Variants in CFAP77 observed in about 807,000 individuals in gnomAD.
The protein encoded by CFAP77 is cilia- and flagella-associated protein 77.
In CFAP77, 25 loss-of-function variants were observed where a neutral mutation model predicts 31.1. The ratio of observed to expected loss-of-function variants is 0.80; its 90% confidence interval spans 0.59 to 1.12. The LOEUF (loss-of-function observed/expected upper bound fraction) is 1.12, where lower values mean the gene tolerates loss of function less well. Ranked by LOEUF, CFAP77 falls within the 50% of genes most tolerant of loss-of-function variation. The probability of loss-of-function intolerance (pLI) is 0.00; values close to 1 mark genes in which losing one functional copy is unlikely to be tolerated. For missense variants in CFAP77, 377 were observed against 397.3 expected (o/e 0.95, Z 0.44); for synonymous variants, 151 against 159.9 (o/e 0.94, Z 0.42).
intron 1 of CFAP77, among the ~76,000 whole-genome samples, chr9:132,458,260 C>T (rs1326156639): frequency 6.7e-6 from 1 of 149,598 alleles, no homozygotes; most frequent in Non-Finnish European, 1.5e-5. Context: ...GCCTGAGATG[C>T]GCAGAAGTGC....
At chr9:132,430,655 G>A (rs986901255) in intron 1 of CFAP77, among the ~76,000 whole-genome samples, 1 of 152,126 alleles carries the variant, frequency 6.6e-6, no homozygotes, top group African/African-American at 2.4e-5. Context: ...TGACACATCT[G>A]GGACCTCAGT....
intron 1 of CFAP77, among the ~76,000 whole-genome samples, chr9:132,444,974 CTTTT>C (rs564127221): frequency 6.0e-5 from 8 of 133,768 alleles, no homozygotes; most frequent in African/African-American, 1.1e-4. Context: ...TTCTTTCTTT[CTTTT>C]TTTTTTTTTT....
rs76119870 is a variant in CFAP77 at position 132,457,378 on chromosome 9, G to A, written c.196-41317G>A. 7.4e-4 allele frequency among the ~76,000 whole-genome samples: 112 copies of A among 152,314 alleles called. 2 individuals are homozygous for A. In the East Asian group the frequency reaches 0.02, roughly 27 times the overall value. ...TATTTTTCTCTGATAAAAGTGCAGC[G>A]AGGAATAGCTCGACTGTGTCACTGC... On this transcript the variant is annotated intron_variant, in intron 1 of 5. Coordinates refer to ENST00000393216, the MANE Select transcript of CFAP77 (RefSeq NM_001282957.2).
At chr9:132,466,610 T>C (rs1351722409) in intron 1 of CFAP77, among the ~76,000 whole-genome samples, 1 of 152,130 alleles carries the variant, frequency 6.6e-6, no homozygotes, top group Non-Finnish European at 1.5e-5. Flanking sequence ...AAAGACTGGA[T>C]CGGTGTGGGG....
Position 132,564,599 on chromosome 9 carries a change from G to A in CFAP77, c.733-7789G>A, listed in dbSNP as rs534447472. ...GATGAGCTAAAAGAGAATTTAGAGG[G>A]AACACAGTTGCTAATGCTGTGTTAT... On this transcript the variant is annotated intron_variant, in intron 5 of 5. Coordinates refer to ENST00000393216, the MANE Select transcript of CFAP77 (RefSeq NM_001282957.2). This position sits in a 1 kb window ranked among gnomAD's most constrained non-coding sequence, Gnocchi z 4.6. 1.4e-3 allele frequency among the ~76,000 whole-genome samples: 211 copies of A among 151,980 alleles called. No individual in the cohort carries two copies. Among genetic ancestry groups the A allele is most frequent in the Middle Eastern group, 3.4e-3 (1 of 294 alleles).
At chr9:132,520,810 A>G (rs1034385518) in intron 3 of CFAP77, among the ~76,000 whole-genome samples, 2 of 151,968 alleles carry the variant, frequency 1.3e-5, no homozygotes, top group African/African-American at 4.8e-5. Flanking sequence ...GCCCCTCCCC[A>G]GACACTGGCG....
At chr9:132,428,123 G>C (rs1850347420) in intron 1 of CFAP77, among the ~76,000 whole-genome samples, 1 of 151,090 alleles carries the variant, frequency 6.6e-6, no homozygotes, top group East Asian at 1.9e-4. Flanking sequence ...TCAGCCTCTT[G>C]CATAGCTGGG....
chr9:132,447,701 G>C (rs1464828574), intron 1 of CFAP77, among the ~76,000 whole-genome samples: 1 of 152,226 alleles, frequency 6.6e-6, no homozygotes, highest in Non-Finnish European at 1.5e-5. Flanking sequence ...CAAACGCGGG[G>C]ACTTCAGACA....
chr9:132,564,101 C>T lies in CFAP77; in HGVS notation c.733-8287C>T, dbSNP rs923904255. 2.6e-5 allele frequency among the ~76,000 whole-genome samples: 4 copies of T among 152,172 alleles called. No individual in the cohort carries two copies. Among genetic ancestry groups the T allele is most frequent in the African/African-American group, 7.2e-5 (3 of 41,430 alleles). ...AATACACAATTCTAATTGAAGAATT[C>T]GTTGTGTGATTTTATTTTTATTAGT... is the stretch of plus-strand genomic sequence containing the variant. On this transcript the variant is annotated intron_variant, in intron 5 of 5. Coordinates refer to ENST00000393216, the MANE Select transcript of CFAP77 (RefSeq NM_001282957.2). This position sits in a 1 kb window ranked among gnomAD's most constrained non-coding sequence, Gnocchi z 4.6.
At chr9:132,469,027 C>T (rs1384107387) in intron 1 of CFAP77, among the ~76,000 whole-genome samples, 1 of 151,538 alleles carries the variant, frequency 6.6e-6, no homozygotes, top group Non-Finnish European at 1.5e-5. Flanking sequence ...TATGAATTCA[C>T]TCATCTTGGC....
At position 132,517,763 on chromosome 9, in the gene CFAP77, G is replaced by A. The variant is rs1012797363; in HGVS notation, c.524+18163G>A. On this transcript the variant is annotated intron_variant, in intron 3 of 5. Coordinates refer to ENST00000393216, the MANE Select transcript of CFAP77 (RefSeq NM_001282957.2). The surrounding 1 kb of genome is among the most constrained non-coding windows in gnomAD (Gnocchi z 4.7). ...TCAGAGCTGTCAGCCCTCATCCCCCGCACACACAAAGTGTCAGCCTAATGT... is the reference window on the plus strand; with the variant it reads ...TCAGAGCTGTCAGCCCTCATCCCCCACACACACAAAGTGTCAGCCTAATGT... 2.6e-5 allele frequency among the ~76,000 whole-genome samples: 4 copies of A among 152,162 alleles called. No individual in the cohort carries two copies. The highest frequency in any genetic ancestry group is 2.9e-5 in the Non-Finnish European group (2 of 68,048).
At chr9:132,569,574 G>T (rs1020872316) in intron 5 of CFAP77, among the ~76,000 whole-genome samples, 3 of 151,858 alleles carry the variant, frequency 2.0e-5, no homozygotes, top group African/African-American at 7.3e-5. Context: ...GACACCATTG[G>T]TGACTGGCCA....
At position 132,459,458 on chromosome 9, in the gene CFAP77, T is replaced by C. The variant is rs563883654; in HGVS notation, c.196-39237T>C. On this transcript the variant is annotated intron_variant, in intron 1 of 5. Coordinates refer to ENST00000393216, the MANE Select transcript of CFAP77 (RefSeq NM_001282957.2). Reference sequence around the variant, plus strand: ...GTGTGTGTGTGTGTGTGTGTGTATGTGTGAGTGTATGTATATGTATTTGTG... The same window carrying C: ...GTGTGTGTGTGTGTGTGTGTGTATGCGTGAGTGTATGTATATGTATTTGTG... Among the ~76,000 whole-genome samples, 5 of 151,462 alleles carry C rather than the reference T, an allele frequency of 3.3e-5. No homozygotes were observed. In the East Asian group the frequency reaches 9.7e-4, roughly 29 times the overall value.
chr9:132,531,242 A>C (rs1852441791), intron 3 of CFAP77, among the ~76,000 whole-genome samples: 2 of 152,188 alleles, frequency 1.3e-5, no homozygotes, highest in Non-Finnish European at 2.9e-5. Context: ...TTTTTCAACA[A>C]GAAATAATTA....
intron 1 of CFAP77, among the ~76,000 whole-genome samples, chr9:132,492,631 CTT>C (rs1851669721): frequency 6.6e-6 from 1 of 152,208 alleles, no homozygotes; most frequent in Admixed American, 6.5e-5. Flanking sequence ...TCCATGCCTT[CTT>C]TTCCATACCT....
intron 3 of CFAP77, among the ~76,000 whole-genome samples, chr9:132,508,744 G>A (rs111593356): frequency 0.028 from 4,331 of 152,248 alleles, 84 homozygotes; most frequent in Middle Eastern, 0.065. Flanking sequence ...TGACCGCTGC[G>A]TCCAACACTG....
intron 1 of CFAP77, among the ~76,000 whole-genome samples, chr9:132,446,839 A>G (rs1192484646): frequency 1.3e-5 from 2 of 151,458 alleles, no homozygotes; most frequent in African/African-American, 4.9e-5. Context: ...ACATCATCTC[A>G]TTTAAGTTAA....
Position 132,410,265 on chromosome 9 carries a change from C to A in CFAP77, c.-7C>A. On this transcript the variant is annotated 5_prime_UTR_variant, in exon 1 of 6. Coordinates refer to ENST00000393216, the MANE Select transcript of CFAP77 (RefSeq NM_001282957.2). ...GCCCGCGGGCCGGCTCCCCGGCGAC[C>A]TCAAGGATGCCAGAGGCCAGGAGCT... 6.4e-7 allele frequency: 1 copy of A among 1,561,672 alleles called. No homozygotes were observed. The highest frequency in any genetic ancestry group is 8.6e-7 in the Non-Finnish European group (1 of 1,156,288).
At chr9:132,418,098 G>A (rs1232880296) in intron 1 of CFAP77, among the ~76,000 whole-genome samples, 1 of 152,230 alleles carries the variant, frequency 6.6e-6, no homozygotes, top group Non-Finnish European at 1.5e-5. Flanking sequence ...TACATCTCAA[G>A]GTTGTAACGT....
Sources: gnomAD v4.1 joint callset for allele counts (sites outside exome capture counted in the v4.1 genomes callset) on GRCh38, gnomAD v4.1.1 for gene constraint, Gnocchi (gnomAD v3.1) non-coding constraint, MANE v1.5 for transcripts, NCBI Gene and HGNC (gene_info 2026-07-23, HGNC 2026-07-21) for gene names.